The following CTDSPL2 variants were observed in gnomAD, a reference collection of about 807,000 sequenced individuals.
CTDSPL2 encodes CTD small phosphatase like 2.
Under a neutral mutation model 60.0 loss-of-function variants are expected in CTDSPL2, and 5 were observed. The observed-to-expected ratio is 0.08, with a 90% CI of 0.04 to 0.18. CTDSPL2 has a LOEUF of 0.18. Ranked by LOEUF, CTDSPL2 falls within the 10% of genes least tolerant of loss-of-function variation. The pLI, the probability that CTDSPL2 is intolerant of heterozygous loss-of-function variation, is 1.00. For synonymous variants in CTDSPL2, 186 were observed against 189.3 expected (o/e 0.98, Z 0.14); for missense variants, 370 against 548.8 (o/e 0.67, Z 3.26).
At chr15:44,491,652 G>A (rs1366724938) in intron 5 of CTDSPL2, among the ~76,000 whole-genome samples, 1 of 152,150 alleles carries the variant, frequency 6.6e-6, no homozygotes, top group East Asian at 1.9e-4. Context: ...TTAGGGCATG[G>A]AGATTTTATC....
chr15:44,484,097 A>G (rs1284868229), intron 2 of CTDSPL2, 127 bp from the exon 3 acceptor site: 3 of 815,784 alleles, frequency 3.7e-6, no homozygotes, highest in Non-Finnish European at 3.7e-6. Context: ...CTATAATTGC[A>G]TTTTGTTTTT....
intron 1 of CTDSPL2, among the ~76,000 whole-genome samples, chr15:44,434,173 G>T (rs2079924843): frequency 6.6e-6 from 1 of 151,846 alleles, no homozygotes; most frequent in Admixed American, 6.6e-5. Flanking sequence ...AGGCCAAGAT[G>T]GGCAGATCAT....
At chr15:44,438,038 G>T (rs2080010907) in intron 1 of CTDSPL2, among the ~76,000 whole-genome samples, 2 of 152,224 alleles carry the variant, frequency 1.3e-5, no homozygotes, top group Non-Finnish European at 2.9e-5. Context: ...GCCGAGGCAG[G>T]TGGATCACGA....
In CTDSPL2 at chr15:44,470,054, C is replaced by T. The variant is rs569412974; in HGVS notation, c.186+10854C>T. 3.4e-4 allele frequency among the ~76,000 whole-genome samples: 49 copies of T among 144,880 alleles called. No homozygotes were observed. The South Asian group carries it at 1.0e-2, about 29-fold the overall frequency. The stretch of plus-strand genomic sequence containing the variant: ...CGGAGCTTGCAGTGAGCCGAGATCA[C>T]GCCACTGCACTCCAGCCTGGGCGAC... On this transcript the variant is annotated intron_variant, in intron 2 of 12. Coordinates refer to ENST00000260327, the MANE Select transcript of CTDSPL2 (RefSeq NM_016396.3).
intron 6 of CTDSPL2, 40 bp from the exon 7 acceptor site, chr15:44,496,987 A>T: frequency 8.0e-7 from 1 of 1,249,992 alleles, no homozygotes; most frequent in Non-Finnish European, 1.2e-6. Flanking sequence ...ATATGTATAA[A>T]AAGTAAAATG....
chr15:44,507,433 T>C (rs1458889117), intron 8 of CTDSPL2, among the ~76,000 whole-genome samples: 3 of 152,176 alleles, frequency 2.0e-5, no homozygotes, highest in African/African-American at 7.2e-5. Flanking sequence ...TTTATTTTTA[T>C]TGGTTTTAGT....
intron 1 of CTDSPL2, among the ~76,000 whole-genome samples, chr15:44,445,013 T>A (rs761229077): frequency 6.6e-6 from 1 of 151,266 alleles, no homozygotes; most frequent in Non-Finnish European, 1.5e-5. Flanking sequence ...CTAATTTTTT[T>A]TATATTTTTA....
chr15:44,443,560 A>AATTTTTATTTTTT (rs1170621963), intron 1 of CTDSPL2, among the ~76,000 whole-genome samples: 6 of 152,274 alleles, frequency 3.9e-5, no homozygotes, highest in Admixed American at 3.9e-4. Flanking sequence ...TCTTGCCGGC[A>AATTTTTATTTTTT]ATTTTTATTT....
chr15:44,453,041 C>T (rs2080362266), intron 1 of CTDSPL2, among the ~76,000 whole-genome samples: 2 of 152,024 alleles, frequency 1.3e-5, no homozygotes, highest in Non-Finnish European at 2.9e-5. Flanking sequence ...GTCAGTTTAT[C>T]CAGTTTTTTC....
Position 44,490,791 on chromosome 15 carries a change from A to G in CTDSPL2, c.483A>G (p.Ser161=), listed in dbSNP as rs1401201853. ...FFSPANKNGT[S]GSDSPGQAVE... ...ACTGAATCATGATTTCAGGAACGTCAGGATCAGATTCTCCAGGACAGGCTG... is the reference window on the plus strand; with the variant it reads ...ACTGAATCATGATTTCAGGAACGTCGGGATCAGATTCTCCAGGACAGGCTG... The change falls in exon 5 of 13, where the codon TCA becomes TCG. Residue 161 remains serine (S), a synonymous_variant. Transcript: ENST00000260327. 2.0e-5 allele frequency: 32 copies of G among 1,612,390 alleles called. No individual in the cohort carries two copies. Among genetic ancestry groups the G allele is most frequent in the Non-Finnish European group, 2.4e-5 (28 of 1,179,700 alleles).
At chr15:44,447,538 G>A (rs1307304595) in intron 1 of CTDSPL2, 3 of 152,040 alleles carry the variant, frequency 2.0e-5, no homozygotes, top group Non-Finnish European at 4.4e-5. Flanking sequence ...TAGTTAACAA[G>A]AAAAAAATAC....
chr15:44,496,533 G>A lies in CTDSPL2; in HGVS notation c.770+75G>A, dbSNP rs535724372. On this transcript the variant is annotated intron_variant, in intron 6 of 12. Coordinates refer to ENST00000260327, the MANE Select transcript of CTDSPL2 (RefSeq NM_016396.3). The stretch of plus-strand genomic sequence containing the variant: ...AGTACGTTATATATGTGGATTGGTG[G>A]CTAAATAGTATATTGCCAAGATATG... The A allele has an allele frequency of 5.3e-6, 6 of 1,132,044 alleles. No homozygotes were observed. The African/African-American group carries it at 9.3e-5, about 18-fold the overall frequency. The allele number at this position is 1,132,044 out of a possible 1,614,324, so 70.1% of individuals were successfully genotyped here. A position where few individuals can be genotyped will look rare whatever the true frequency, so the allele number is the denominator to read the frequency against.
Position 44,527,909 on chromosome 15 carries a change from C to T in CTDSPL2, c.*3735C>T, listed in dbSNP as rs1772462450. 1 of 152,030 alleles carries T rather than the reference C, an allele frequency of 6.6e-6. No individual in the cohort carries two copies. Among genetic ancestry groups the T allele is most frequent in the South Asian group, 2.1e-4 (1 of 4,822 alleles). 9.4% of individuals were successfully genotyped at this position (152,030 alleles called of 1,614,324 possible). ...TGATGTCATTACTTCTCATGTCTTC[C>T]CCTGAGTTGAAAGCCTACGACAAAC... is the stretch of plus-strand genomic sequence containing the variant. On this transcript the variant is annotated 3_prime_UTR_variant, in exon 13 of 13. Transcript: ENST00000260327.
At position 44,484,335 on chromosome 15, in the gene CTDSPL2, G is replaced by A. The variant is rs779941043; in HGVS notation, c.298G>A (p.Val100Ile). The change falls in exon 3 of 13, where the codon GTA becomes ATA. Residue 100 changes from valine to isoleucine, a missense_variant. Val to Ile is a conservative substitution (Grantham distance 29). Coordinates refer to ENST00000260327, the MANE Select transcript of CTDSPL2 (RefSeq NM_016396.3). ...GEKPNKQISR[V>I]RRKSQVNGEA... The stretch of plus-strand genomic sequence containing the variant: ...AAAACCTAACAAACAGATATCTCGA[G>A]TAAGACGGAAAAGTCAAGTAAATGG... 6.2e-6 allele frequency: 10 copies of A among 1,613,590 alleles called. No homozygotes were observed. In the East Asian group the frequency reaches 1.6e-4, roughly 25 times the overall value.
intron 10 of CTDSPL2, among the ~76,000 whole-genome samples, chr15:44,516,247 C>T (rs1005369870): frequency 1.3e-5 from 2 of 152,022 alleles, no homozygotes; most frequent in African/African-American, 4.8e-5. Flanking sequence ...GCATTACAGG[C>T]GTGAGCCACT....
chr15:44,459,439 A>G (rs1017028486), intron 2 of CTDSPL2, among the ~76,000 whole-genome samples: 13 of 152,258 alleles, frequency 8.5e-5, no homozygotes, highest in African/African-American at 2.9e-4. Context: ...AGGCAGGAGA[A>G]TGGCTTGAAC....
chr15:44,441,359 A>G (rs1434431924), intron 1 of CTDSPL2, among the ~76,000 whole-genome samples: 4 of 152,054 alleles, frequency 2.6e-5, no homozygotes, highest in Non-Finnish European at 5.9e-5. Context: ...TTCCCATTGT[A>G]GAAGCTGCTC....
chr15:44,470,097 CAAA>C (rs886463524), intron 2 of CTDSPL2, among the ~76,000 whole-genome samples: 4,218 of 53,892 alleles, frequency 0.078, 126 homozygotes, highest in African/African-American at 0.21. Flanking sequence ...GACTCTGTCT[CAAA>C]AAAAAAAAAA....
At chr15:44,498,551 A>G (rs1013311479) in intron 7 of CTDSPL2, among the ~76,000 whole-genome samples, 1 of 152,096 alleles carries the variant, frequency 6.6e-6, no homozygotes, top group Non-Finnish European at 1.5e-5. Flanking sequence ...GTGCCACTGC[A>G]TTGCAGCCTG....
Sources: allele counts gnomAD v4.1 joint callset (sites outside exome capture counted in the v4.1 genomes callset), GRCh38; gene constraint gnomAD v4.1.1; transcripts MANE v1.5; gene names NCBI Gene and HGNC (gene_info 2026-07-23, HGNC 2026-07-21).